The following THADA variants were observed in gnomAD, a reference collection of about 807,000 sequenced individuals.
THADA encodes the protein THADA armadillo repeat containing.
THADA carries 213 observed loss-of-function variants against 219.8 expected under a neutral mutation model. That is an observed-to-expected ratio of 0.97 (90% CI 0.87 to 1.09). The LOEUF (loss-of-function observed/expected upper bound fraction) is 1.09, where lower values mean the gene tolerates loss of function less well. Among genes scored for constraint, THADA ranks in the 50% least tolerant of loss-of-function variants. THADA has a pLI of 0.00. For synonymous variants in THADA, 1,018 were observed against 828.9 expected (o/e 1.23, Z -3.92); for missense variants, 2,956 against 2,311.3 (o/e 1.28, Z -5.72).
At chr2:43,503,812 C>T (rs1193786831) in intron 24 of THADA, among the ~76,000 whole-genome samples, 1 of 152,000 alleles carries the variant, frequency 6.6e-6, no homozygotes, top group Non-Finnish European at 1.5e-5. Context: ...ACTAAAATGC[C>T]ATTAATCACC....
chr2:43,373,481 CT>C (rs36010243), intron 29 of THADA, among the ~76,000 whole-genome samples: 113 of 146,704 alleles, frequency 7.7e-4, no homozygotes, highest in East Asian at 7.9e-4. Flanking sequence ...CAGTTGTTAA[CT>C]TTTTTTTTTT....
intron 26 of THADA, 23 bp from the exon 27 acceptor site, chr2:43,430,325 T>A: frequency 1.5e-6 from 2 of 1,300,278 alleles, no homozygotes; most frequent in Non-Finnish European, 2.1e-6. Context: ...GAGGAAAAAA[T>A]TTATTATCAT....
intron 29 of THADA, among the ~76,000 whole-genome samples, chr2:43,345,246 T>C (rs925050493): frequency 2.0e-5 from 3 of 152,198 alleles, no homozygotes; most frequent in African/African-American, 4.8e-5. Context: ...AGTGAAATAA[T>C]TGAGAGTTAG....
chr2:43,286,428 A>G (rs1308182121), intron 35 of THADA, among the ~76,000 whole-genome samples: 3 of 152,190 alleles, frequency 2.0e-5, no homozygotes, highest in African/African-American at 7.2e-5. Context: ...TAAGGCTGAA[A>G]AACAAGAGGC....
Position 43,590,937 on chromosome 2 carries a change from C to T in THADA, c.189G>A (p.Glu63=). The T allele has an allele frequency of 6.2e-7, 1 of 1,612,832 alleles. No individual in the cohort carries two copies. Among genetic ancestry groups the T allele is most frequent in the South Asian group, 1.1e-5 (1 of 90,910 alleles). Residue 63 remains glutamate, a synonymous_variant, in exon 4 of 38, where the codon GAG becomes GAA. Transcript: ENST00000405975. ...HYIKQIVPLL[E]KADKNGMCDP... ...CACACATGCCATTTTTATCTGCTTTCTCCAGCAGAGGCACAATCTATAATA... is the reference window on the plus strand; with the variant it reads ...CACACATGCCATTTTTATCTGCTTTTTCCAGCAGAGGCACAATCTATAATA...
At chr2:43,550,300 C>G (rs1419320429) in intron 19 of THADA, among the ~76,000 whole-genome samples, 1 of 152,110 alleles carries the variant, frequency 6.6e-6, no homozygotes, top group Admixed American at 6.5e-5. Context: ...TATTTAGGTA[C>G]TATGGGAAAT....
intron 11 of THADA, 105 bp downstream of exon 11, chr2:43,574,231 T>C (rs748466240): frequency 2.5e-6 from 2 of 804,338 alleles, no homozygotes; most frequent in Non-Finnish European, 3.8e-6. Flanking sequence ...CCTTTACTAT[T>C]TATAGAAGTG....
At chr2:43,584,034 A>T (rs893217818) in intron 7 of THADA, among the ~76,000 whole-genome samples, 4 of 137,902 alleles carry the variant, frequency 2.9e-5, no homozygotes, top group African/African-American at 1.1e-4. Flanking sequence ...AGCTTGTCTC[A>T]ATTAAAAAAA....
chr2:43,482,901 C>T (rs935587714), intron 26 of THADA, among the ~76,000 whole-genome samples: 1 of 152,152 alleles, frequency 6.6e-6, no homozygotes. Context: ...TAGGAGTAGA[C>T]AGCACAGATC....
In THADA at chr2:43,324,321, G is replaced by C. The variant is rs138322277; in HGVS notation, c.4344-3781C>G. ...GGCTGGTGACCTTACTGGCCTCCTG[G>C]GACACTTCAGGAATCACTGACTGCT... On this transcript the variant is annotated intron_variant, in intron 30 of 37. Coordinates refer to ENST00000405975, the MANE Select transcript of THADA (RefSeq NM_022065.5). 1.2e-3 allele frequency among the ~76,000 whole-genome samples: 183 copies of C among 152,294 alleles called. 3 individuals carry two copies. The highest frequency in any genetic ancestry group is 0.01 in the Middle Eastern group (3 of 294).
chr2:43,336,640 G>A (rs1257579129), intron 30 of THADA, among the ~76,000 whole-genome samples: 2 of 151,992 alleles, frequency 1.3e-5, no homozygotes, highest in South Asian at 2.1e-4. Context: ...CACAGTATCA[G>A]GTTTAAATGG....
At chr2:43,545,672 T>C (rs1409585021) in intron 20 of THADA, among the ~76,000 whole-genome samples, 3 of 152,170 alleles carry the variant, frequency 2.0e-5, no homozygotes, top group Admixed American at 6.5e-5. Flanking sequence ...GAAGTGTTTG[T>C]AGTATTCTCT....
chr2:43,471,413 G>C (rs1684888605), intron 26 of THADA, among the ~76,000 whole-genome samples: 1 of 152,200 alleles, frequency 6.6e-6, no homozygotes, highest in South Asian at 2.1e-4. Flanking sequence ...TGTAGTCCCA[G>C]TTACTCGGCG....
At chr2:43,355,245 T>C (rs1204002509) in intron 29 of THADA, among the ~76,000 whole-genome samples, 61 of 152,202 alleles carry the variant, frequency 4.0e-4, no homozygotes, top group Non-Finnish European at 7.3e-5. Context: ...CTTTTGAATA[T>C]ATACCTAGTA....
At chr2:43,521,870 G>A (rs558975020) in intron 22 of THADA, among the ~76,000 whole-genome samples, 67 of 152,268 alleles carry the variant, frequency 4.4e-4, no homozygotes, top group African/African-American at 1.5e-3. Context: ...CAATAAATCC[G>A]ATTCCCTGAC....
intron 36 of THADA, among the ~76,000 whole-genome samples, chr2:43,268,625 G>C (rs896389278): frequency 1.3e-5 from 2 of 152,224 alleles, no homozygotes; most frequent in African/African-American, 4.8e-5. Context: ...CCAGGTCTCT[G>C]ATGTCACCCT....
intron 28 of THADA, 37 bp downstream of exon 28, chr2:43,428,063 C>T (rs368402578): frequency 4.4e-5 from 66 of 1,487,358 alleles, no homozygotes; most frequent in Middle Eastern, 1.8e-4. Flanking sequence ...AAAACTCCCA[C>T]GCCAACCTAG....
At chr2:43,450,332 T>C (rs1050049132) in intron 26 of THADA, among the ~76,000 whole-genome samples, 1 of 152,138 alleles carries the variant, frequency 6.6e-6, no homozygotes, top group Non-Finnish European at 1.5e-5. Flanking sequence ...TATAAAGATA[T>C]AAATCTGTGA....
rs116539085 is a variant in THADA, at chr2:43,309,218, C to A, written c.4438+11228G>T. Among the ~76,000 whole-genome samples, 1,515 of 152,252 alleles carry A rather than the reference C, an allele frequency of 1.0e-2. 30 individuals carry two copies. The highest frequency in any genetic ancestry group is 0.035 in the African/African-American group (1,449 of 41,522). On this transcript the variant is annotated intron_variant, in intron 31 of 37. Transcript: ENST00000405975. Reference sequence around the variant, plus strand: ...CAAACATGACACATGAAAAGATGCTCAACATTATCAGCCATGCTTCTCATG... The same window carrying A: ...CAAACATGACACATGAAAAGATGCTAAACATTATCAGCCATGCTTCTCATG...
Sources: allele counts gnomAD v4.1 joint callset (sites outside exome capture counted in the v4.1 genomes callset), GRCh38; gene constraint gnomAD v4.1.1; transcripts MANE v1.5; gene names NCBI Gene and HGNC (gene_info 2026-07-23, HGNC 2026-07-21).